The following CSMD1 variants were observed in gnomAD, a reference collection of about 807,000 sequenced individuals.
CSMD1 encodes the protein CUB and Sushi multiple domains 1, also known as CUB and sushi domain-containing protein 1.
A neutral mutation model predicts 417.5 loss-of-function variants in CSMD1; 213 were observed. The ratio of observed to expected loss-of-function variants is 0.51; its 90% CI spans 0.46 to 0.57. CSMD1 has a LOEUF of 0.57. Ranked by LOEUF, CSMD1 falls within the 20% of genes least tolerant of loss-of-function variation. CSMD1 has a pLI of 0.00. For synonymous variants in CSMD1, 2,862 were observed against 1,736.8 expected, an observed-to-expected ratio of 1.65 and a Z score of -16.11; for missense variants, 6,923 against 4,529.7, an observed-to-expected ratio of 1.53 and a Z score of -15.17.
intron 1 of CSMD1, among the ~76,000 whole-genome samples, chr8:4,761,890 C>CTATCTATCTAT (rs1563319356): frequency 3.2e-5 from 3 of 93,652 alleles, no homozygotes; most frequent in African/African-American, 7.7e-5. Flanking sequence ...TATCTATCTA[C>CTATCTATCTAT]CTACCTATCT....
In CSMD1 at chr8:3,894,739, T is replaced by G. The variant is rs148651010; in HGVS notation, c.818+103164A>C. Among the ~76,000 whole-genome samples, 268 of 152,306 alleles carry G rather than the reference T, an allele frequency of 1.8e-3. 2 individuals carry two copies. Among genetic ancestry groups the G allele is most frequent in the Non-Finnish European group, 1.6e-3 (111 of 68,018 alleles). On this transcript the variant is annotated intron_variant, in intron 5 of 69. Transcript: ENST00000635120. ...AATTAGTTTCTTGATTAACTAGAAT[T>G]ACTAAGGAAGTGTCTCTGCTTCCAC...
At chr8:3,734,242 T>C (rs565746642) in intron 6 of CSMD1, among the ~76,000 whole-genome samples, 1 of 152,254 alleles carries the variant, frequency 6.6e-6, no homozygotes, top group South Asian at 2.1e-4. Context: ...TTCGGCTTCC[T>C]ACTCAGCACC....
chr8:4,680,795 G>T (rs1270852038), intron 1 of CSMD1, among the ~76,000 whole-genome samples: 1 of 152,026 alleles, frequency 6.6e-6, no homozygotes, highest in Non-Finnish European at 1.5e-5. Context: ...GGCCAGGATG[G>T]TCTTGATCTC....
intron 37 of CSMD1, among the ~76,000 whole-genome samples, chr8:3,178,209 A>T (rs1180645012): frequency 6.6e-6 from 1 of 152,064 alleles, no homozygotes; most frequent in Admixed American, 6.6e-5. Flanking sequence ...TTCAAATATA[A>T]GTGTTTGGTT....
chr8:4,309,132 T>G (rs896293059), intron 3 of CSMD1, among the ~76,000 whole-genome samples: 1 of 152,174 alleles, frequency 6.6e-6, no homozygotes, highest in Non-Finnish European at 1.5e-5. Context: ...AGGGTGTACT[T>G]TGCACACACA....
chr8:4,693,559 A>C (rs1267390528), intron 1 of CSMD1, among the ~76,000 whole-genome samples: 1 of 152,184 alleles, frequency 6.6e-6, no homozygotes, highest in African/African-American at 2.4e-5. Context: ...TTAAATATGC[A>C]TCAATCAAAA....
intron 11 of CSMD1, among the ~76,000 whole-genome samples, chr8:3,476,161 A>C (rs1563074684): frequency 6.6e-6 from 1 of 152,222 alleles, no homozygotes; most frequent in Non-Finnish European, 1.5e-5. Flanking sequence ...TGCGCAACAT[A>C]GCGAGGCCTT....
At position 4,326,436 on chromosome 8, in the gene CSMD1, T is replaced by A. The variant is rs1799567237; in HGVS notation, c.415+93517A>T. On this transcript the variant is annotated intron_variant, in intron 3 of 69. Coordinates refer to ENST00000635120, the MANE Select transcript of CSMD1 (RefSeq NM_033225.6). ...ATGGGAAAACCAATTAGGCAGCTAC[T>A]GAGCAAGAGGTAAAGAATGCATATA... Among the ~76,000 whole-genome samples the A allele has an allele frequency of 2.0e-5, 3 of 152,224 alleles. 1 individual carries two copies. In the South Asian group the frequency reaches 6.2e-4, roughly 32 times the overall value.
chr8:3,645,877 A>T lies in CSMD1; in HGVS notation c.1010-29080T>A, dbSNP rs201611796. 1.5e-4 allele frequency among the ~76,000 whole-genome samples: 23 copies of T among 152,354 alleles called. No homozygotes were observed. In the East Asian group the frequency reaches 2.3e-3, roughly 15 times the overall value. On this transcript the variant is annotated intron_variant, in intron 7 of 69. Transcript: ENST00000635120. ...AATAATGTTTTTATATACATAGGGC[A>T]AATTACATATGAATACTATAATTTT...
chr8:3,422,918 G>T (rs1030093124), intron 12 of CSMD1, among the ~76,000 whole-genome samples: 1 of 152,104 alleles, frequency 6.6e-6, no homozygotes, highest in Non-Finnish European at 1.5e-5. Flanking sequence ...CATGGCAGAA[G>T]GAAAAGGGCA....
chr8:3,617,181 A>G (rs1255672921), intron 7 of CSMD1, among the ~76,000 whole-genome samples: 2 of 152,228 alleles, frequency 1.3e-5, no homozygotes, highest in South Asian at 2.1e-4. Flanking sequence ...ATTCCCATAG[A>G]TGACAACAGA....
chr8:3,816,340 C>T (rs10097237), intron 5 of CSMD1, among the ~76,000 whole-genome samples: 111,844 of 152,092 alleles, frequency 0.74, 41,205 homozygotes, highest in Middle Eastern at 0.78. Flanking sequence ...CAGTCAACCA[C>T]TGTCAGAAAA....
chr8:4,576,635 A>C (rs1300252264), intron 2 of CSMD1, among the ~76,000 whole-genome samples: 1 of 152,114 alleles, frequency 6.6e-6, no homozygotes, highest in African/African-American at 2.4e-5. Context: ...GCATTTATTA[A>C]ATAAATATTT....
intron 1 of CSMD1, among the ~76,000 whole-genome samples, chr8:4,809,950 G>C (rs141331601): frequency 2.0e-5 from 3 of 152,114 alleles, no homozygotes; most frequent in African/African-American, 7.2e-5. Context: ...TTCTTCACCT[G>C]TTTCTTCTCC....
intron 3 of CSMD1, among the ~76,000 whole-genome samples, chr8:4,232,571 A>G (rs1049027227): frequency 6.6e-6 from 1 of 152,174 alleles, no homozygotes; most frequent in Non-Finnish European, 1.5e-5. Flanking sequence ...AAAAATGAGA[A>G]ATGTGAATGA....
intron 10 of CSMD1, among the ~76,000 whole-genome samples, chr8:3,496,857 T>A (rs1231366061): frequency 6.6e-6 from 1 of 152,204 alleles, no homozygotes; most frequent in Non-Finnish European, 1.5e-5. Flanking sequence ...TAAATTTTGT[T>A]CTTAATTTCT....
At chr8:3,862,589 G>C (rs944696040) in intron 5 of CSMD1, among the ~76,000 whole-genome samples, 12 of 152,156 alleles carry the variant, frequency 7.9e-5, no homozygotes, top group Admixed American at 6.5e-4. Context: ...ACTTAAGCTA[G>C]AATTTGCTTA....
At chr8:3,002,679 GT>G (rs1353951530) in intron 52 of CSMD1, among the ~76,000 whole-genome samples, 3 of 152,186 alleles carry the variant, frequency 2.0e-5, no homozygotes, top group East Asian at 1.9e-4. Context: ...TCTGAACTGA[GT>G]TTTTTGTAAG....
At chr8:4,438,231 C>T (rs557092591) in intron 2 of CSMD1, among the ~76,000 whole-genome samples, 1 of 152,274 alleles carries the variant, frequency 6.6e-6, no homozygotes, top group South Asian at 2.1e-4. Flanking sequence ...AATCTCAACC[C>T]AAGCCGTCTT....
Sources: allele counts gnomAD v4.1 joint callset (sites outside exome capture counted in the v4.1 genomes callset), GRCh38; gene constraint gnomAD v4.1.1; transcripts MANE v1.5; gene names NCBI Gene and HGNC (gene_info 2026-07-23, HGNC 2026-07-21).